MAML3: variants seen among roughly 807,000 people sequenced by gnomAD.
The protein encoded by MAML3 is mastermind like transcriptional coactivator 3.
MAML3 carries 27 observed loss-of-function variants against 101.9 expected under a neutral mutation model. That is an observed-to-expected ratio of 0.27 (90% confidence interval 0.20 to 0.37). The LOEUF (loss-of-function observed/expected upper bound fraction) is 0.37, where lower values mean the gene tolerates loss of function less well. Among genes scored for constraint, MAML3 ranks in the 10% least tolerant of loss-of-function variants. MAML3 has a pLI of 1.00. For synonymous variants in MAML3, 501 were observed against 555.9 expected, an observed-to-expected ratio of 0.90 and a Z score of 1.39; for missense variants, 1,316 against 1,444.9, an observed-to-expected ratio of 0.91 and a Z score of 1.45.
intron 1 of MAML3, among the ~76,000 whole-genome samples, chr4:139,994,017 T>C (rs1281645041): frequency 6.6e-6 from 1 of 152,178 alleles, no homozygotes; most frequent in Non-Finnish European, 1.5e-5. Context: ...GAATTAATTT[T>C]TGTGTTTCAT....
At chr4:139,944,267 G>A (rs1325361661) in intron 1 of MAML3, among the ~76,000 whole-genome samples, 2 of 151,960 alleles carry the variant, frequency 1.3e-5, no homozygotes, top group Admixed American at 6.6e-5. Flanking sequence ...CCATGCTGGT[G>A]CGCTGCACCC....
At chr4:139,911,924 C>G (rs111813897) in intron 1 of MAML3, among the ~76,000 whole-genome samples, 2 of 152,342 alleles carry the variant, frequency 1.3e-5, no homozygotes, top group East Asian at 3.9e-4. Flanking sequence ...CCTGGAAAGA[C>G]TAAAACATAT....
At chr4:140,109,515 C>T (rs2111008941) in intron 1 of MAML3, among the ~76,000 whole-genome samples, 1 of 152,296 alleles carries the variant, frequency 6.6e-6, no homozygotes, top group East Asian at 1.9e-4. Flanking sequence ...AAGGGGGAAG[C>T]AGAAAGGCAT....
At chr4:139,730,234 T>C in intron 3 of MAML3, 182 bp downstream of exon 3, 1 of 622,828 alleles carries the variant, frequency 1.6e-6, no homozygotes, top group Non-Finnish European at 2.8e-6. Context: ...TAATTCATTA[T>C]AGGAAAAACC....
At chr4:140,012,807 T>C (rs1180891824) in intron 1 of MAML3, among the ~76,000 whole-genome samples, 3 of 152,150 alleles carry the variant, frequency 2.0e-5, no homozygotes, top group East Asian at 1.9e-4. Context: ...CACCATCCCA[T>C]AGGGGGCACT....
chr4:139,909,849 A>AAG (rs1732885811), intron 1 of MAML3, among the ~76,000 whole-genome samples: 1 of 150,956 alleles, frequency 6.6e-6, no homozygotes, highest in East Asian at 1.9e-4. Context: ...AAAAAAAAAA[A>AAG]AAAAAAAAAG....
chr4:139,902,647 C>G (rs909542756), intron 1 of MAML3, among the ~76,000 whole-genome samples: 1 of 152,160 alleles, frequency 6.6e-6, no homozygotes, highest in South Asian at 2.1e-4. Flanking sequence ...ACATTCAGCC[C>G]GTAAACAGCA....
At chr4:139,752,860 C>T (rs191836172) in intron 2 of MAML3, among the ~76,000 whole-genome samples, 99 of 152,198 alleles carry the variant, frequency 6.5e-4, no homozygotes, top group Non-Finnish European at 7.4e-4. Flanking sequence ...GCTGTTAATG[C>T]GATGTCATTA....
chr4:140,060,301 G>T (rs1032248725), intron 1 of MAML3, among the ~76,000 whole-genome samples: 7 of 142,272 alleles, frequency 4.9e-5, no homozygotes, highest in Non-Finnish European at 1.1e-4. Context: ...GGGAGGGGGA[G>T]GTTGCAGTGA....
chr4:139,722,982 G>A (rs928981768), intron 4 of MAML3, among the ~76,000 whole-genome samples: 9 of 152,166 alleles, frequency 5.9e-5, no homozygotes, highest in Non-Finnish European at 7.4e-5. Flanking sequence ...CTACTGAACC[G>A]TGTTCCACGT....
At chr4:140,003,845 C>T (rs1324170240) in intron 1 of MAML3, among the ~76,000 whole-genome samples, 2 of 152,168 alleles carry the variant, frequency 1.3e-5, no homozygotes, top group Non-Finnish European at 2.9e-5. Context: ...ATTAAGTCTG[C>T]CCCAGGTATA....
chr4:140,061,443 A>G (rs1578664580), intron 1 of MAML3, among the ~76,000 whole-genome samples: 1 of 152,180 alleles, frequency 6.6e-6, no homozygotes, highest in Admixed American at 6.5e-5. Context: ...CAGGAAACAA[A>G]ATGCTGTTCT....
At chr4:140,122,698 A>C (rs987133618) in intron 1 of MAML3, among the ~76,000 whole-genome samples, 1 of 148,868 alleles carries the variant, frequency 6.7e-6, no homozygotes, top group Non-Finnish European at 1.5e-5. Flanking sequence ...AGGCTGCGGC[A>C]GGAGAATGGC....
intron 1 of MAML3, among the ~76,000 whole-genome samples, chr4:140,079,379 C>T (rs993090448): frequency 2.0e-5 from 3 of 152,054 alleles, no homozygotes; most frequent in Admixed American, 1.3e-4. Flanking sequence ...CTGCAACCTC[C>T]GTCTCCCAGG....
At chr4:139,849,298 G>A (rs1240923286) in intron 2 of MAML3, among the ~76,000 whole-genome samples, 1 of 152,130 alleles carries the variant, frequency 6.6e-6, no homozygotes, top group Non-Finnish European at 1.5e-5. Context: ...AGGATTCTAG[G>A]GGTTCTCTGG....
At chr4:140,044,865 C>G (rs1382017331) in intron 1 of MAML3, among the ~76,000 whole-genome samples, 1 of 152,060 alleles carries the variant, frequency 6.6e-6, no homozygotes, top group Non-Finnish European at 1.5e-5. Flanking sequence ...AACTACTCAC[C>G]TAAAAGAAGT....
At chr4:140,057,429 G>C (rs140723680) in intron 1 of MAML3, among the ~76,000 whole-genome samples, 48 of 152,166 alleles carry the variant, frequency 3.2e-4, no homozygotes, top group African/African-American at 1.1e-3. Flanking sequence ...CAGCCCCTTG[G>C]TCAGCAAAAG....
chr4:139,971,433 TGAACACAAC>T (rs1030555561), intron 1 of MAML3, among the ~76,000 whole-genome samples: 1 of 152,208 alleles, frequency 6.6e-6, no homozygotes, highest in African/African-American at 2.4e-5. Context: ...GGTATCTGAA[TGAACACAAC>T]AGAACCTTAG....
rs1731572998 is a variant in MAML3 at position 139,852,403 on chromosome 4, G to GTTTTTTTTTTTTTTGTTGTT, written c.2079+36953_2079+36954insAACAACAAAAAAAAAAAAAA. Among the ~76,000 whole-genome samples, 312 of 68,340 alleles carry GTTTTTTTTTTTTTTGTTGTT rather than the reference G, an allele frequency of 4.6e-3. 11 individuals are homozygous for GTTTTTTTTTTTTTTGTTGTT. The highest frequency in any genetic ancestry group is 0.02 in the African/African-American group (294 of 15,050). 44.8% of individuals were successfully genotyped at this position (68,340 alleles called of 152,430 possible). A position where few individuals can be genotyped will look rare whatever the true frequency, so the allele number is the denominator to read the frequency against. On this transcript the variant is annotated intron_variant, in intron 2 of 4. Coordinates refer to ENST00000509479, the MANE Select transcript of MAML3 (RefSeq NM_018717.5). ...AAAGCTCACCAAAATTCAGAAGACTGTTTTTTTTTTTTTTTTTTTTTTTTT... is the reference window on the plus strand; with the variant it reads ...AAAGCTCACCAAAATTCAGAAGACTGTTTTTTTTTTTTTTGTTGTTTTTTTTTTTTTTTTTTTTTTTTTTT...
Sources: gnomAD v4.1 joint callset for allele counts (sites outside exome capture counted in the v4.1 genomes callset) on GRCh38, gnomAD v4.1.1 for gene constraint, MANE v1.5 for transcripts, NCBI Gene and HGNC (gene_info 2026-07-23, HGNC 2026-07-21) for gene names.